Variants in PCDHGA5 observed in about 807,000 individuals in gnomAD.
PCDHGA5 encodes the protein protocadherin gamma subfamily A, 5.
In PCDHGA5, 36 loss-of-function variants were observed where a neutral mutation model predicts 56.7. The observed-to-expected ratio is 0.64, with a 90% CI of 0.49 to 0.84. The LOEUF (loss-of-function observed/expected upper bound fraction) is 0.84. PCDHGA5 is among the 40% of genes least tolerant of loss of function. The pLI, the probability that PCDHGA5 is intolerant of heterozygous loss-of-function variation, is 0.00. For synonymous variants in PCDHGA5, 563 were observed against 520.2 expected (o/e 1.08, Z -1.12); for missense variants, 1,305 against 1,201.5 (o/e 1.09, Z -1.27).
At chr5:141,473,738 C>T (rs755682627) in intron 1 of PCDHGA5, among the ~76,000 whole-genome samples, 2 of 152,310 alleles carry the variant, frequency 1.3e-5, no homozygotes, top group Non-Finnish European at 2.9e-5. Flanking sequence ...AGGGAGAAGA[C>T]ATGAGAACTT....
chr5:141,404,906 C>G, intron 1 of PCDHGA5: 8 of 1,613,864 alleles, frequency 5.0e-6, no homozygotes, highest in Non-Finnish European at 5.1e-6. Context: ...CCATGGCCAG[C>G]CCCCTCTCTC....
intron 1 of PCDHGA5, among the ~76,000 whole-genome samples, chr5:141,467,288 A>G (rs1322298174): frequency 6.6e-6 from 1 of 152,084 alleles, no homozygotes; most frequent in Non-Finnish European, 1.5e-5. Context: ...CTTGACCTCA[A>G]GTGATCCACT....
At chr5:141,380,735 C>T (rs973708229) in intron 1 of PCDHGA5, among the ~76,000 whole-genome samples, 1 of 152,066 alleles carries the variant, frequency 6.6e-6, no homozygotes, top group African/African-American at 2.4e-5. Flanking sequence ...TTCCTTTTCT[C>T]CAAAGAAGGT....
chr5:141,418,754 G>A (rs748707880), intron 1 of PCDHGA5: 1 of 1,613,926 alleles, frequency 6.2e-7, no homozygotes, highest in South Asian at 1.1e-5. Context: ...TTACACTACA[G>A]GAAACATTCT....
chr5:141,490,942 C>G lies in PCDHGA5; in HGVS notation c.2422-3865C>G. 1 of 1,613,644 alleles carries G rather than the reference C, an allele frequency of 6.2e-7. No individual in the cohort carries two copies. Among genetic ancestry groups the G allele is most frequent in the Non-Finnish European group, 8.5e-7 (1 of 1,179,760 alleles). On this transcript the variant is annotated intron_variant, in intron 1 of 3. Transcript: ENST00000518069. This position sits in a 1 kb window ranked among gnomAD's most constrained non-coding sequence, Gnocchi z 5.4. ...TAATGCCCCAGCTGTGCTGCACCCA[C>G]GGCCAGACTGGGAACACTCAGCCCC...
intron 1 of PCDHGA5, chr5:141,414,204 T>C (rs748616910): frequency 1.2e-6 from 2 of 1,612,266 alleles, no homozygotes; most frequent in East Asian, 2.2e-5. Flanking sequence ...CAGTAGAAGA[T>C]GTAAATGACA....
chr5:141,393,881 G>A (rs1003319572), intron 1 of PCDHGA5: 33 of 1,613,978 alleles, frequency 2.0e-5, no homozygotes, highest in Non-Finnish European at 2.8e-5. Context: ...TTAGCCCAGT[G>A]TTAGAAAATT....
rs559433377 is a variant in PCDHGA5, at chr5:141,432,679, G to A, written c.2422-62128G>A. ...TGCTGGACAGAGACGCGCTCAAGCAGAGCCTCGTAGTGGCCGTCCAGGACC... is the reference window on the plus strand; with the variant it reads ...TGCTGGACAGAGACGCGCTCAAGCAAAGCCTCGTAGTGGCCGTCCAGGACC... On this transcript the variant is annotated intron_variant, in intron 1 of 3. Transcript: ENST00000518069. The surrounding 1 kb of genome is among the most constrained non-coding windows in gnomAD (Gnocchi z 6.0). The A allele has an allele frequency of 2.3e-4, 369 of 1,613,834 alleles. 1 individual carries two copies. The highest frequency in any genetic ancestry group is 1.7e-4 in the Middle Eastern group (1 of 6,056).
chr5:141,474,180 A>G (rs763042503), intron 1 of PCDHGA5, among the ~76,000 whole-genome samples: 4 of 152,240 alleles, frequency 2.6e-5, no homozygotes, highest in Non-Finnish European at 4.4e-5. Context: ...TGAGAAAACT[A>G]CTTACATTTT....
intron 1 of PCDHGA5, among the ~76,000 whole-genome samples, chr5:141,457,612 G>T (rs1011626121): frequency 1.8e-4 from 27 of 152,232 alleles, no homozygotes; most frequent in Non-Finnish European, 2.9e-4. Flanking sequence ...AATTATGAAT[G>T]AACTTTAATC....
At position 141,490,909 on chromosome 5, in the gene PCDHGA5, G is replaced by A. The variant is rs1170664693; in HGVS notation, c.2422-3898G>A. On this transcript the variant is annotated intron_variant, in intron 1 of 3. Coordinates refer to ENST00000518069, the MANE Select transcript of PCDHGA5 (RefSeq NM_018918.3). The surrounding 1 kb of genome is among the most constrained non-coding windows in gnomAD (Gnocchi z 5.4). ...ATCTCTGCATGTGTTTGTCCTAGAC[G>A]AGAATGATAATGCCCCAGCTGTGCT... The A allele has an allele frequency of 1.1e-5, 17 of 1,613,626 alleles. No individual in the cohort carries two copies. Among genetic ancestry groups the A allele is most frequent in the East Asian group, 4.5e-5 (2 of 44,882 alleles).
intron 1 of PCDHGA5, chr5:141,414,112 T>C (rs967826724): frequency 1.3e-6 from 2 of 1,592,428 alleles, no homozygotes; most frequent in African/African-American, 2.7e-5. Context: ...AAATCTAGAT[T>C]ATGAAGAAAC....
In PCDHGA5 at chr5:141,365,959, C is replaced by A; in HGVS notation, c.1629C>A (p.Ser543Arg). 1 of 1,614,262 alleles carries A rather than the reference C, an allele frequency of 6.2e-7. No homozygotes were observed. The highest frequency in any genetic ancestry group is 8.5e-7 in the Non-Finnish European group (1 of 1,180,050). ...TASDSGNPPL[S>R]SNVSLSLFVL... The stretch of plus-strand genomic sequence containing the variant: ...GCGACAGTGGGAACCCTCCACTTAG[C>A]AGCAACGTGTCGCTGAGCCTGTTTG... Residue 543 changes from serine to arginine, a missense_variant, in exon 1 of 4, where the codon AGC becomes AGA. By Grantham distance (110) the Ser-to-Arg change is moderately radical. Transcript: ENST00000518069.
chr5:141,432,964 G>A lies in PCDHGA5; in HGVS notation c.2422-61843G>A, dbSNP rs2097554835. On this transcript the variant is annotated intron_variant, in intron 1 of 3. Transcript: ENST00000518069. This position sits in a 1 kb window ranked among gnomAD's most constrained non-coding sequence, Gnocchi z 6.0. Reference sequence around the variant, plus strand: ...CTTCAGGAGGCGGCTTGACAGGAGCGCCGGCGTCGCACTTTGTGGGCGTGG... The same window carrying A: ...CTTCAGGAGGCGGCTTGACAGGAGCACCGGCGTCGCACTTTGTGGGCGTGG... The A allele has an allele frequency of 6.2e-7, 1 of 1,614,044 alleles. No homozygotes were observed. Among genetic ancestry groups the A allele is most frequent in the African/African-American group, 1.3e-5 (1 of 74,934 alleles).
intron 1 of PCDHGA5, chr5:141,418,737 C>G (rs768683069): frequency 6.2e-7 from 1 of 1,613,842 alleles, no homozygotes; most frequent in African/African-American, 1.3e-5. Context: ...CACGTGTTCT[C>G]TCTGGATTAC....
At chr5:141,373,925 G>C (rs1769961983) in intron 1 of PCDHGA5, 11 of 660,560 alleles carry the variant, frequency 1.7e-5, no homozygotes, top group Non-Finnish European at 2.6e-5. Flanking sequence ...CAAATTAGAC[G>C]GGAAAGCAGG....
chr5:141,364,722 C>G lies in PCDHGA5; in HGVS notation c.392C>G (p.Pro131Arg), dbSNP rs779536020. The G allele has an allele frequency of 8.1e-6, 13 of 1,613,884 alleles. No individual in the cohort carries two copies. The South Asian group carries it at 1.4e-4, about 18-fold the overall frequency. ...ATAATCGATATTAATGATAACTTCC[C>G]GCGTTTCCGGGATGAAGAGTTAAAA... is the stretch of plus-strand genomic sequence containing the variant. ...VEIIDINDNF[P>R]RFRDEELKVK... Residue 131 changes from proline to arginine, a missense_variant, in exon 1 of 4, where the codon CCG (proline) becomes CGG (arginine). Pro to Arg is a moderately radical substitution (Grantham distance 103). Transcript: ENST00000518069.
In PCDHGA5 at chr5:141,448,129, C is replaced by A. The variant is rs116387986; in HGVS notation, c.2422-46678C>A. On this transcript the variant is annotated intron_variant, in intron 1 of 3. Coordinates refer to ENST00000518069, the MANE Select transcript of PCDHGA5 (RefSeq NM_018918.3). Reference sequence around the variant, plus strand: ...AGAAAAGAAAATTAGCCTCCCCCACCCTCACTATACCTCAGACTCACCCCT... The same window carrying A: ...AGAAAAGAAAATTAGCCTCCCCCACACTCACTATACCTCAGACTCACCCCT... 4.4e-3 allele frequency among the ~76,000 whole-genome samples: 671 copies of A among 152,002 alleles called. 4 individuals carry two copies. Among genetic ancestry groups the A allele is most frequent in the African/African-American group, 0.015 (612 of 41,466 alleles).
chr5:141,380,433 A>G (rs1228885429), intron 1 of PCDHGA5, among the ~76,000 whole-genome samples: 1 of 152,256 alleles, frequency 6.6e-6, no homozygotes, highest in Non-Finnish European at 1.5e-5. Context: ...TAGACTTTAC[A>G]TAGAATTCTT....
Sources: gnomAD v4.1 joint callset for allele counts (sites outside exome capture counted in the v4.1 genomes callset) on GRCh38, gnomAD v4.1.1 for gene constraint, Gnocchi (gnomAD v3.1) non-coding constraint, MANE v1.5 for transcripts, NCBI Gene and HGNC (gene_info 2026-07-23, HGNC 2026-07-21) for gene names.